The following PFKL variants were observed in gnomAD, a reference collection of about 807,000 sequenced individuals.
PFKL encodes ATP-dependent 6-phosphofructokinase, liver type.
Under a neutral mutation model 92.1 loss-of-function variants are expected in PFKL, and 74 were observed. The observed-to-expected ratio is 0.80, with a 90% CI of 0.67 to 0.97. The LOEUF is 0.97. Ranked by LOEUF, PFKL falls within the 50% of genes least tolerant of loss-of-function variation. PFKL has a pLI of 0.00. For missense variants in PFKL, 1,028 were observed against 1,116.6 expected (o/e 0.92, Z 1.13); for synonymous variants, 494 against 456.4 (o/e 1.08, Z -1.05).
Position 44,313,653 on chromosome 21 carries a change from C to A in PFKL, c.609C>A (p.Phe203Leu). 6.2e-7 allele frequency: 1 copy of A among 1,612,252 alleles called. No individual in the cohort carries two copies. Among genetic ancestry groups the A allele is most frequent in the Non-Finnish European group, 8.5e-7 (1 of 1,179,592 alleles). The change falls in exon 6 of 22, where the codon TTC becomes TTA. Residue 203 changes from phenylalanine (F) to leucine (L), a missense_variant. Physicochemically the swap from Phe to Leu is conservative, Grantham distance 22 (BLOSUM62 0). Coordinates refer to ENST00000349048, the MANE Select transcript of PFKL (RefSeq NM_002626.6). ...ATCTCCACAGCCACCAGAGGACCTT[C>A]GTGCTGGAAGTGATGGGCCGGCACT... ...TTTAQSHQRT[F>L]VLEVMGRHCG...
intron 1 of PFKL, chr21:44,305,332 G>A (rs1014598151): frequency 1.5e-6 from 2 of 1,365,912 alleles, no homozygotes; most frequent in African/African-American, 2.9e-5. Context: ...AGAAGCATGT[G>A]TAACCAGGGT....
At position 44,322,968 on chromosome 21, in the gene PFKL, G is replaced by A. The variant is rs139900594; in HGVS notation, c.1416G>A (p.Leu472=). The A allele has an allele frequency of 4.2e-5, 67 of 1,611,258 alleles. 1 individual carries two copies. The highest frequency in any genetic ancestry group is 1.2e-4 in the South Asian group (11 of 90,946). ...GATGTGTCTTTGACTGCAGGACCCT[G>A]CCCAAGGGCCAGCTGGAGTCCATTG... The part of the protein sequence containing the change: ...GGSMLGTKRT[L]PKGQLESIVE... Residue 472 remains leucine (L), a synonymous_variant, in exon 15 of 22, where the codon CTG becomes CTA. Coordinates refer to ENST00000349048, the MANE Select transcript of PFKL (RefSeq NM_002626.6).
chr21:44,319,025 C>T (rs530092316), intron 10 of PFKL, among the ~76,000 whole-genome samples: 12 of 151,132 alleles, frequency 7.9e-5, no homozygotes, highest in South Asian at 4.2e-4. Context: ...AAGGCAGAGG[C>T]GAGGGGGCCG....
chr21:44,309,928 C>T (rs985370589), intron 2 of PFKL, among the ~76,000 whole-genome samples: 6 of 152,246 alleles, frequency 3.9e-5, no homozygotes, highest in South Asian at 2.1e-4. Flanking sequence ...CGCCCCGCAG[C>T]GCGCACTATC....
chr21:44,311,912 T>C (rs145730169), intron 3 of PFKL, among the ~76,000 whole-genome samples, 193 bp from the exon 4 acceptor site: 1 of 152,328 alleles, frequency 6.6e-6, no homozygotes, highest in African/African-American at 2.4e-5. Context: ...ATCATCCTCC[T>C]CTTTGTCTCT....
intron 2 of PFKL, 117 bp from the exon 3 acceptor site, chr21:44,310,889 A>G: frequency 1.4e-6 from 1 of 723,482 alleles, no homozygotes; most frequent in East Asian, 2.6e-5. Flanking sequence ...GTGGGGCCTC[A>G]CAGTCAGCAC....
intron 1 of PFKL, chr21:44,305,353 A>AGTCCTCTCGTGG: frequency 7.3e-7 from 1 of 1,365,164 alleles, no homozygotes; most frequent in South Asian, 1.1e-5. Flanking sequence ...AGAGGTCGAG[A>AGTCCTCTCGTGG]GTCCTCTCGT....
chr21:44,303,800 T>C (rs2838545), intron 1 of PFKL, among the ~76,000 whole-genome samples: 39,367 of 151,988 alleles, frequency 0.26, 5,898 homozygotes, highest in African/African-American at 0.42. Context: ...CCTCAGACAT[T>C]GATTTTGTTC....
intron 11 of PFKL, 55 bp downstream of exon 11, chr21:44,319,470 G>A: frequency 6.9e-7 from 1 of 1,443,352 alleles, no homozygotes; most frequent in Non-Finnish European, 9.8e-7. Context: ...CCGGTGCCAG[G>A]CAGCATGTGC....
intron 1 of PFKL, among the ~76,000 whole-genome samples, chr21:44,303,675 C>T (rs986420625): frequency 1.3e-5 from 2 of 152,154 alleles, no homozygotes; most frequent in South Asian, 4.1e-4. Context: ...TTGGAGCCTT[C>T]AGGCTCATGC....
chr21:44,326,842 A>T lies in PFKL; in HGVS notation c.2323A>T (p.Ser775Cys), dbSNP rs748419111. 2.5e-6 allele frequency: 4 copies of T among 1,609,802 alleles called. No individual in the cohort carries two copies. Among genetic ancestry groups the T allele is most frequent in the Admixed American group, 1.7e-5 (1 of 59,808 alleles). ...ELEHVTRRTL[S>C]MDKGF is the part of the protein sequence containing the mutation. Reference sequence around the variant, plus strand: ...GGAGCACGTGACCCGCCGCACCCTGAGCATGGACAAGGGCTTCTGAGGCCA... The same window carrying T: ...GGAGCACGTGACCCGCCGCACCCTGTGCATGGACAAGGGCTTCTGAGGCCA... The change falls in exon 22 of 22, where the codon AGC becomes TGC. Residue 775 changes from serine (S) to cysteine (C), a missense_variant. Physicochemically the swap from Ser to Cys is moderately radical, Grantham distance 112. Coordinates refer to ENST00000349048, the MANE Select transcript of PFKL (RefSeq NM_002626.6).
intron 19 of PFKL, 31 bp from the exon 20 acceptor site, chr21:44,325,930 G>T (rs969763119): frequency 5.7e-6 from 9 of 1,566,214 alleles, no homozygotes; most frequent in Non-Finnish European, 7.9e-6. Flanking sequence ...GCCCAGGGGA[G>T]TCCAGGGAAC....
chr21:44,302,054 C>T (rs752498922), intron 1 of PFKL, among the ~76,000 whole-genome samples: 12 of 152,194 alleles, frequency 7.9e-5, no homozygotes, highest in South Asian at 4.1e-4. Context: ...GTGGACAGGC[C>T]GGCTGGGTGG....
At chr21:44,319,010 C>T (rs374836279) in intron 10 of PFKL, among the ~76,000 whole-genome samples, 3 of 151,480 alleles carry the variant, frequency 2.0e-5, no homozygotes, top group Non-Finnish European at 2.9e-5. Flanking sequence ...AGAGGAGGTA[C>T]GGGGAAGGCA....
At position 44,323,043 on chromosome 21, in the gene PFKL, G is replaced by A. The variant is rs943003315; in HGVS notation, c.1491G>A (p.Gly497=). Residue 497 remains glycine (G), a synonymous_variant, in exon 15 of 22, where the codon GGG becomes GGA. Transcript: ENST00000349048. ...TTCACGCCCTGCTGGTGGTCGGTGG[G>A]TTTGAGGTGAGAGCTGCCCACGGAC... ...YGIHALLVVG[G]FEAYEGVLQL... is the part of the protein sequence containing the mutation. 2.2e-5 allele frequency: 35 copies of A among 1,612,688 alleles called. No homozygotes were observed. In the Admixed American group the frequency reaches 5.2e-4, roughly 24 times the overall value.
intron 1 of PFKL, among the ~76,000 whole-genome samples, chr21:44,302,314 GGGA>G (rs2040799595): frequency 6.6e-6 from 1 of 152,264 alleles, no homozygotes; most frequent in African/African-American, 2.4e-5. Flanking sequence ...TTTTCTGCAA[GGGA>G]GGAGGACTCC....
intron 10 of PFKL, 99 bp from the exon 11 acceptor site, chr21:44,319,252 C>G: frequency 9.7e-7 from 1 of 1,026,044 alleles, no homozygotes; most frequent in Non-Finnish European, 1.5e-6. Context: ...CAGGAGATGC[C>G]GGCCAGATCT....
intron 1 of PFKL, among the ~76,000 whole-genome samples, chr21:44,302,993 G>A (rs2040817811): frequency 6.6e-6 from 1 of 152,196 alleles, no homozygotes; most frequent in African/African-American, 2.4e-5. Context: ...AGCACTTTGG[G>A]AGGCTGAGGC....
At chr21:44,320,527 A>G (rs896135883) in intron 12 of PFKL, 8 of 166,632 alleles carry the variant, frequency 4.8e-5, no homozygotes, top group African/African-American at 1.9e-4. Flanking sequence ...GGAGTTCGAG[A>G]CCAGCCTGGC....
Sources: gnomAD v4.1 joint callset for allele counts (sites outside exome capture counted in the v4.1 genomes callset) on GRCh38, gnomAD v4.1.1 for gene constraint, MANE v1.5 for transcripts, NCBI Gene and HGNC (gene_info 2026-07-23, HGNC 2026-07-21) for gene names.